Variants in MOK observed in about 807,000 individuals in gnomAD.
MOK encodes the protein MOK protein kinase, also known as MAPK/MAK/MRK overlapping kinase.
MOK carries 59 observed loss-of-function variants against 54.2 expected under a neutral mutation model. That is an observed-to-expected ratio of 1.09 (90% CI 0.88 to 1.35). The LOEUF (loss-of-function observed/expected upper bound fraction) is 1.35, where lower values mean the gene tolerates loss of function less well. Among genes scored for constraint, MOK ranks in the 40% most tolerant of loss-of-function variants. MOK has a pLI of 0.00. For synonymous variants in MOK, 210 were observed against 202.7 expected (o/e 1.04, Z -0.31); for missense variants, 517 against 526.2 (o/e 0.98, Z 0.17).
chr14:102,249,010 C>T lies in MOK; in HGVS notation c.590+1802G>A, dbSNP rs776815028. ...CCTAGTCCCCTCGACCAGGCAGACT[C>T]GCTCACACGGAACGCGAGGAACTCA... On this transcript the variant is annotated intron_variant, in intron 7 of 11. Transcript: ENST00000361847. The surrounding 1 kb of genome is among the most constrained non-coding windows in gnomAD (Gnocchi z 5.3). Among the ~76,000 whole-genome samples, 6 of 151,658 alleles carry T rather than the reference C, an allele frequency of 4.0e-5. No homozygotes were observed. Among genetic ancestry groups the T allele is most frequent in the Non-Finnish European group, 8.8e-5 (6 of 68,000 alleles).
downstream of MOK, among the ~76,000 whole-genome samples, chr14:102,228,061 G>A (rs889147434): frequency 6.6e-6 from 1 of 152,330 alleles, no homozygotes; most frequent in Middle Eastern, 3.4e-3. Context: ...CCAGCAGCCC[G>A]GCCAGTGCCA....
chr14:102,224,521 TGA>T, downstream of MOK: 1 of 450,552 alleles, frequency 2.2e-6, no homozygotes, highest in Non-Finnish European at 4.5e-6. Context: ...CTTTATTTTG[TGA>T]GACTTTAAAC....
intron 1 of MOK, among the ~76,000 whole-genome samples, chr14:102,289,416 TG>T (rs1241672033): frequency 6.6e-6 from 1 of 152,188 alleles, no homozygotes; most frequent in East Asian, 1.9e-4. Flanking sequence ...CAAAACAATC[TG>T]CTTTCAATAC....
At chr14:102,217,373 C>A in the MOK span, among the ~76,000 whole-genome samples, 1 of 152,238 alleles carries the variant, frequency 6.6e-6, no homozygotes, top group African/African-American at 2.4e-5. Context: ...TCGTGCCCTT[C>A]ATCTGCGTGG....
intron 1 of MOK, among the ~76,000 whole-genome samples, chr14:102,290,230 G>T (rs147696194): frequency 6.6e-6 from 1 of 150,976 alleles, no homozygotes; most frequent in Non-Finnish European, 1.5e-5. Flanking sequence ...ATCTGAGGTC[G>T]GGAGTTCAAG....
chr14:102,278,415 T>C lies in MOK; in HGVS notation c.122+5063A>G, dbSNP rs10142960. 6.6e-3 allele frequency among the ~76,000 whole-genome samples: 994 copies of C among 151,530 alleles called. 13 individuals carry two copies. Among genetic ancestry groups the C allele is most frequent in the African/African-American group, 0.023 (953 of 41,264 alleles). On this transcript the variant is annotated intron_variant, in intron 2 of 11. Coordinates refer to ENST00000361847, the MANE Select transcript of MOK (RefSeq NM_014226.3). Reference sequence around the variant, plus strand: ...AAAAAAAGGCTTTTAGAGAGACTAATAAATTCCTTGCCTTTGTTTCTATTT... The same window carrying C: ...AAAAAAAGGCTTTTAGAGAGACTAACAAATTCCTTGCCTTTGTTTCTATTT...
At position 102,235,781 on chromosome 14, in the gene MOK, T is replaced by A. The variant is rs900659987; in HGVS notation, c.591-1992A>T. The stretch of plus-strand genomic sequence containing the variant: ...TTTATTTCCCAATCTGCCCCCGACA[T>A]CTGGCGCAAACTTAAAAAGGCTGAA... On this transcript the variant is annotated intron_variant, in intron 7 of 11. Coordinates refer to ENST00000361847, the MANE Select transcript of MOK (RefSeq NM_014226.3). The surrounding 1 kb of genome is among the most constrained non-coding windows in gnomAD (Gnocchi z 4.4). 6.6e-6 allele frequency among the ~76,000 whole-genome samples: 1 copy of A among 152,138 alleles called. No individual in the cohort carries two copies. Among genetic ancestry groups the A allele is most frequent in the Non-Finnish European group, 1.5e-5 (1 of 68,022 alleles).
the MOK span, among the ~76,000 whole-genome samples, chr14:102,218,757 C>T: frequency 1.4e-3 from 212 of 152,314 alleles, 1 homozygote; most frequent in East Asian, 0.026. Context: ...GTTCCTCTCA[C>T]GGTGTGGGGG....
intron 2 of MOK, among the ~76,000 whole-genome samples, chr14:102,269,471 T>C (rs2153145192): frequency 7.1e-6 from 1 of 141,450 alleles, no homozygotes; most frequent in South Asian, 2.2e-4. Context: ...ACAACCAGCT[T>C]TTTTTTTTTT....
chr14:102,227,755 T>A (rs115863338), downstream of MOK, among the ~76,000 whole-genome samples: 1 of 152,002 alleles, frequency 6.6e-6, no homozygotes, highest in African/African-American at 2.4e-5. Context: ...CGCCCTTGCC[T>A]CCTCCTCCAG....
At chr14:102,277,744 C>T (rs2069012209) in intron 2 of MOK, among the ~76,000 whole-genome samples, 1 of 152,076 alleles carries the variant, frequency 6.6e-6, no homozygotes, top group Admixed American at 6.6e-5. Context: ...CAGTGGGAAA[C>T]TGAAAAGGAA....
chr14:102,289,473 T>G (rs79204956), intron 1 of MOK, among the ~76,000 whole-genome samples: 3,145 of 152,254 alleles, frequency 0.021, 124 homozygotes, highest in African/African-American at 0.073. Flanking sequence ...TCTCGGGTTT[T>G]CCTATTTTTA....
intron 1 of MOK, among the ~76,000 whole-genome samples, chr14:102,292,559 T>C (rs1025729621): frequency 1.3e-5 from 2 of 152,098 alleles, no homozygotes; most frequent in African/African-American, 2.4e-5. Flanking sequence ...GTGCTCTGGA[T>C]TCCAATCTTC....
intron 1 of MOK, among the ~76,000 whole-genome samples, chr14:102,298,856 A>G (rs1042419610): frequency 2.0e-5 from 3 of 152,224 alleles, no homozygotes; most frequent in Admixed American, 6.5e-5. Context: ...TCCTGAGGCC[A>G]GCAAGACCAC....
the MOK span, among the ~76,000 whole-genome samples, chr14:102,218,935 C>CGGCCG: frequency 6.6e-6 from 1 of 152,244 alleles, no homozygotes; most frequent in Admixed American, 6.5e-5. Flanking sequence ...GGTCCTCCGT[C>CGGCCG]GGCCGGGCCG....
At chr14:102,266,217 TAA>T (rs1454250324) in intron 2 of MOK, among the ~76,000 whole-genome samples, 4 of 152,042 alleles carry the variant, frequency 2.6e-5, no homozygotes, top group Non-Finnish European at 4.4e-5. Flanking sequence ...GATTAATTAA[TAA>T]GATTAATAAT....
Position 102,231,904 on chromosome 14 carries a change from T to C in MOK, c.867-83A>G. Reference sequence around the variant, plus strand: ...CCTACTGGCTTCTTTGTCTCCAATTTGTCTACTGTGTGAGTTGTCACTAGC... The same window carrying C: ...CCTACTGGCTTCTTTGTCTCCAATTCGTCTACTGTGTGAGTTGTCACTAGC... On this transcript the variant is annotated intron_variant, in intron 9 of 11. Coordinates refer to ENST00000361847, the MANE Select transcript of MOK (RefSeq NM_014226.3). This position sits in a 1 kb window ranked among gnomAD's most constrained non-coding sequence, Gnocchi z 4.4. The C allele has an allele frequency of 1.7e-6, 2 of 1,142,900 alleles. No homozygotes were observed. The highest frequency in any genetic ancestry group is 2.8e-5 in the South Asian group (2 of 72,488). 70.8% of individuals were successfully genotyped at this position (1,142,900 alleles called of 1,614,324 possible).
In MOK at chr14:102,229,553, A is replaced by G; in HGVS notation, c.1086T>C (p.Ser362=). 6.2e-7 allele frequency: 1 copy of G among 1,614,180 alleles called. No homozygotes were observed. The highest frequency in any genetic ancestry group is 8.5e-7 in the Non-Finnish European group (1 of 1,180,030). The part of the protein sequence containing the change: ...LKLSGVVRLS[S]YSSPTLQSVL... ...CGGACTGCAGCGTGGGGCTGGAGTA[A>G]GACGACAGTCTGACCACTCCCGAAA... Residue 362 remains serine, a synonymous_variant, in exon 11 of 12, where the codon TCT becomes TCC. Coordinates refer to ENST00000361847, the MANE Select transcript of MOK (RefSeq NM_014226.3).
At position 102,273,286 on chromosome 14, in the gene MOK, AAAAAAAAAAATAAGTG is replaced by A. The variant is rs536206316; in HGVS notation, c.123-7390_123-7375del. ...CAACCAAAACATACTAGAACAAAAA[AAAAAAAAAAATAAGTG>A]AATCCTGAGAAATTTCTCAAAATAC... On this transcript the variant is annotated intron_variant, in intron 2 of 11. Transcript: ENST00000361847. Among the ~76,000 whole-genome samples the A allele has an allele frequency of 5.7e-3, 861 of 152,194 alleles. 18 individuals are homozygous for A. The highest frequency in any genetic ancestry group is 0.035 in the East Asian group (180 of 5,190).
Sources: gnomAD v4.1 joint callset for allele counts (sites outside exome capture counted in the v4.1 genomes callset) on GRCh38, gnomAD v4.1.1 for gene constraint, Gnocchi (gnomAD v3.1) non-coding constraint, MANE v1.5 for transcripts, NCBI Gene and HGNC (gene_info 2026-07-23, HGNC 2026-07-21) for gene names.